TCF20: variants seen among roughly 807,000 people sequenced by gnomAD.
The protein encoded by TCF20 is SPRE-binding protein.
Under a neutral mutation model 148.6 loss-of-function variants are expected in TCF20, and 3 were observed. The ratio of observed to expected loss-of-function variants is 0.02; its 90% CI spans 0.01 to 0.05. The LOEUF (loss-of-function observed/expected upper bound fraction) is 0.05, where lower values mean the gene tolerates loss of function less well. Ranked by LOEUF, TCF20 falls within the 10% of genes least tolerant of loss-of-function variation. The probability of loss-of-function intolerance (pLI) is 1.00; values close to 1 mark genes in which losing one functional copy is unlikely to be tolerated. For synonymous variants in TCF20, 1,049 were observed against 909.5 expected, an observed-to-expected ratio of 1.15 and a Z score of -2.76; for missense variants, 2,350 against 2,429.3, an observed-to-expected ratio of 0.97 and a Z score of 0.69.
chr22:42,170,494 CTG>C (rs1396659251), intron 3 of TCF20, among the ~76,000 whole-genome samples: 1 of 149,228 alleles, frequency 6.7e-6, no homozygotes, highest in East Asian at 2.0e-4. Context: ...GCAAGCAAAA[CTG>C]TCTTAAAAAA....
chr22:42,277,745 A>T (rs1197287528), intron 1 of TCF20, among the ~76,000 whole-genome samples: 3 of 152,248 alleles, frequency 2.0e-5, no homozygotes, highest in Non-Finnish European at 4.4e-5. Context: ...GCCAGTATGT[A>T]TTTAGACGCG....
chr22:42,212,457 T>G lies in TCF20; in HGVS notation c.2849A>C (p.His950Pro). The change falls in exon 2 of 6, where the codon CAC becomes CCC. Residue 950 changes from histidine (H) to proline (P), a missense_variant. Around this residue, in one of 7 missense-constraint regions of TCF20, gnomAD observed 1,641 missense variants for 1,662.6 expected, o/e 0.99. Transcript: ENST00000677622. The part of the protein sequence containing the change: ...ASFNNKKSGD[H>P]CHPPSIKHES... ...ATGCTTGATGCTAGGAGGATGGCAGTGGTCTCCAGATTTCTTGTTGTTGAA... is the reference window on the plus strand; with the variant it reads ...ATGCTTGATGCTAGGAGGATGGCAGGGGTCTCCAGATTTCTTGTTGTTGAA... 1.2e-6 allele frequency: 2 copies of G among 1,614,246 alleles called. No homozygotes were observed. The highest frequency in any genetic ancestry group is 1.7e-6 in the Non-Finnish European group (2 of 1,180,046).
intron 2 of TCF20, among the ~76,000 whole-genome samples, chr22:42,200,498 C>T (rs951423241): frequency 4.6e-5 from 7 of 152,048 alleles, no homozygotes; most frequent in African/African-American, 7.2e-5. Context: ...AAAAATTAGT[C>T]GGCATGGTGG....
chr22:42,331,109 T>A (rs1384161028), intron 1 of TCF20, among the ~76,000 whole-genome samples: 2 of 152,246 alleles, frequency 1.3e-5, no homozygotes, highest in Non-Finnish European at 2.9e-5. Context: ...ACGAACCAGC[T>A]GTTTGGATGA....
chr22:42,283,663 C>A (rs1405148759), intron 1 of TCF20, among the ~76,000 whole-genome samples: 1 of 151,958 alleles, frequency 6.6e-6, no homozygotes, highest in Non-Finnish European at 1.5e-5. Flanking sequence ...AAAGGCCGCC[C>A]GGGAGGCCCC....
At chr22:42,341,049 T>C (rs1928157638) in intron 1 of TCF20, among the ~76,000 whole-genome samples, 1 of 152,060 alleles carries the variant, frequency 6.6e-6, no homozygotes, top group South Asian at 2.1e-4. Flanking sequence ...AGGTCCTCCA[T>C]CAAAGCGCGC....
intron 1 of TCF20, among the ~76,000 whole-genome samples, chr22:42,324,647 G>A (rs1187520502): frequency 3.8e-5 from 5 of 132,644 alleles, no homozygotes; most frequent in African/African-American, 1.1e-4. Flanking sequence ...CACCATTCGA[G>A]AAAAAATAAT....
At chr22:42,334,800 G>A (rs1288206018) in intron 1 of TCF20, among the ~76,000 whole-genome samples, 1 of 152,048 alleles carries the variant, frequency 6.6e-6, no homozygotes, top group African/African-American at 2.4e-5. Context: ...AGTCTAAGTG[G>A]GGAAGGATCT....
rs12159510 is a variant in TCF20 at position 42,306,180 on chromosome 22, C to T, written c.-37+37299G>A. Among the ~76,000 whole-genome samples the T allele has an allele frequency of 7.9e-3, 1,204 of 152,370 alleles. 16 individuals are homozygous for T. The highest frequency in any genetic ancestry group is 0.027 in the African/African-American group (1,132 of 41,584). ...CTAAGCCGGAGACGGAGCCGCTGTG[C>T]GCGCCGCTGCCAGCTCCCCGCCTCG... On this transcript the variant is annotated intron_variant, in intron 1 of 1. Coordinates refer to the TCF20 transcript ENST00000515426.
intron 1 of TCF20, among the ~76,000 whole-genome samples, chr22:42,310,931 C>G (rs1927524154): frequency 6.6e-6 from 1 of 152,224 alleles, no homozygotes; most frequent in Non-Finnish European, 1.5e-5. Flanking sequence ...CTCAATCTGT[C>G]TTGAGTTTAG....
intron 1 of TCF20, among the ~76,000 whole-genome samples, chr22:42,310,544 A>G (rs192496154): frequency 3.3e-5 from 5 of 152,306 alleles, no homozygotes; most frequent in Non-Finnish European, 7.4e-5. Context: ...AGGCTAGACG[A>G]GGAAGGCATG....
At chr22:42,281,275 G>T (rs772855212) in intron 1 of TCF20, among the ~76,000 whole-genome samples, 3 of 152,202 alleles carry the variant, frequency 2.0e-5, no homozygotes, top group Admixed American at 1.3e-4. Flanking sequence ...CCTGAGAGAG[G>T]CTGGCTTGGG....
intron 1 of TCF20, among the ~76,000 whole-genome samples, chr22:42,269,040 G>A (rs1024519334): frequency 2.0e-5 from 3 of 152,142 alleles, no homozygotes; most frequent in African/African-American, 7.2e-5. Context: ...AAATTACCAG[G>A]GAAAGTAACT....
chr22:42,241,601 T>A (rs1924408358), intron 1 of TCF20, among the ~76,000 whole-genome samples: 1 of 152,056 alleles, frequency 6.6e-6, no homozygotes, highest in South Asian at 2.1e-4. Flanking sequence ...CTGGGGCAGG[T>A]GGCTCACTTG....
At chr22:42,197,797 C>T (rs1937680229) in intron 2 of TCF20, among the ~76,000 whole-genome samples, 1 of 152,028 alleles carries the variant, frequency 6.6e-6, no homozygotes, top group Non-Finnish European at 1.5e-5. Context: ...ACATTAAACA[C>T]AAAATTAACA....
chr22:42,199,388 C>T (rs1311040117), intron 2 of TCF20, among the ~76,000 whole-genome samples: 1 of 152,076 alleles, frequency 6.6e-6, no homozygotes, highest in Non-Finnish European at 1.5e-5. Flanking sequence ...AGCACTTTGC[C>T]TAGCCTCAAT....
intron 1 of TCF20, among the ~76,000 whole-genome samples, chr22:42,341,600 C>T (rs945103185): frequency 1.3e-5 from 2 of 152,178 alleles, no homozygotes; most frequent in Non-Finnish European, 2.9e-5. Context: ...ACACCTGCTC[C>T]TTGTCAGCCT....
chr22:42,256,481 T>C (rs1226985924), intron 1 of TCF20, among the ~76,000 whole-genome samples: 1 of 152,110 alleles, frequency 6.6e-6, no homozygotes, highest in East Asian at 1.9e-4. Context: ...AGTTTTTTTT[T>C]TTTTTTTAAA....
At chr22:42,328,862 G>A in intron 1 of TCF20, among the ~76,000 whole-genome samples, 1 of 152,230 alleles carries the variant, frequency 6.6e-6, no homozygotes, top group Non-Finnish European at 1.5e-5. Flanking sequence ...CCCGGTGAAA[G>A]TCACAGGCTG....
Sources: allele counts gnomAD v4.1 joint callset (sites outside exome capture counted in the v4.1 genomes callset), GRCh38; gene constraint gnomAD v4.1.1; regional missense constraint gnomAD v4.1.1; transcripts MANE v1.5; gene names NCBI Gene and HGNC (gene_info 2026-07-23, HGNC 2026-07-21).